Variants in ITGB5 observed in about 807,000 individuals in gnomAD.
ITGB5 encodes the protein integrin beta-5.
ITGB5 carries 38 observed loss-of-function variants against 84.8 expected under a neutral mutation model. The ratio of observed to expected loss-of-function variants is 0.45; its 90% CI spans 0.35 to 0.59. The LOEUF is 0.59. Ranked by LOEUF, ITGB5 falls within the 20% of genes least tolerant of loss-of-function variation. The probability of loss-of-function intolerance (pLI) is 0.01; values close to 1 mark genes in which losing one functional copy is unlikely to be tolerated. For synonymous variants in ITGB5, 393 were observed against 414.4 expected (o/e 0.95, Z 0.63); for missense variants, 905 against 1,034.5 (o/e 0.87, Z 1.72).
chr3:124,827,624 G>A (rs2064801333), intron 5 of ITGB5, among the ~76,000 whole-genome samples: 2 of 152,188 alleles, frequency 1.3e-5, no homozygotes, highest in Admixed American at 6.5e-5. Flanking sequence ...CGCCCTGCTG[G>A]TAGGAATGTA....
At chr3:124,817,855 C>A in intron 7 of ITGB5, 145 bp from the exon 8 acceptor site, 1 of 591,818 alleles carries the variant, frequency 1.7e-6, no homozygotes, top group Non-Finnish European at 2.9e-6. Flanking sequence ...AAGAAGATCC[C>A]ACAGGGAAAA....
chr3:124,777,311 G>A (rs28553402), intron 10 of ITGB5, among the ~76,000 whole-genome samples: 25,017 of 152,200 alleles, frequency 0.16, 2,257 homozygotes, highest in Admixed American at 0.25. Context: ...CGTTTCTGGG[G>A]GTGAGCCAGT....
chr3:124,780,953 C>T (rs750760242), intron 10 of ITGB5, among the ~76,000 whole-genome samples: 27 of 152,214 alleles, frequency 1.8e-4, no homozygotes, highest in Middle Eastern at 3.4e-3. Flanking sequence ...AGACTCTGGG[C>T]CCAGTTTCTG....
chr3:124,795,056 G>T (rs1366219267), intron 10 of ITGB5, among the ~76,000 whole-genome samples: 2 of 152,142 alleles, frequency 1.3e-5, no homozygotes, highest in Admixed American at 1.3e-4. Context: ...GAGACTTGGG[G>T]TGTCTAGCCT....
chr3:124,844,297 C>G (rs936085152), intron 4 of ITGB5, among the ~76,000 whole-genome samples: 2 of 151,468 alleles, frequency 1.3e-5, no homozygotes, highest in South Asian at 2.1e-4. Flanking sequence ...CAGTGGCTCA[C>G]GCCTGTAATC....
chr3:124,813,083 G>A (rs1462101252), intron 8 of ITGB5, among the ~76,000 whole-genome samples: 1 of 152,172 alleles, frequency 6.6e-6, no homozygotes, highest in Admixed American at 6.5e-5. Context: ...GGAGAGCAGA[G>A]CTGACGAAAA....
chr3:124,889,783 T>A (rs1934957177), upstream of ITGB5, among the ~76,000 whole-genome samples: 1 of 152,062 alleles, frequency 6.6e-6, no homozygotes, highest in Non-Finnish European at 1.5e-5. Context: ...GGAGACCCAG[T>A]CGGGTGGATA....
intron 9 of ITGB5, among the ~76,000 whole-genome samples, chr3:124,806,503 G>A (rs1159354520): frequency 7.2e-6 from 1 of 139,660 alleles, no homozygotes; most frequent in African/African-American, 2.7e-5. Context: ...GCGCGATCTC[G>A]GCTCACTGCA....
intron 5 of ITGB5, among the ~76,000 whole-genome samples, chr3:124,836,117 G>A (rs879793307): frequency 6.6e-6 from 1 of 152,014 alleles, no homozygotes; most frequent in Admixed American, 6.6e-5. Flanking sequence ...AAGTCAACTG[G>A]CTTCCATGGA....
chr3:124,890,989 A>G (rs1934988614), upstream of ITGB5, among the ~76,000 whole-genome samples: 1 of 151,824 alleles, frequency 6.6e-6, no homozygotes, highest in South Asian at 2.1e-4. Context: ...CTCCCCCCCC[A>G]GCCACTGGAA....
chr3:124,873,365 T>C, intron 2 of ITGB5, 81 bp downstream of exon 2: 1 of 900,900 alleles, frequency 1.1e-6, no homozygotes, highest in South Asian at 1.3e-5. Context: ...AGTGAATTAG[T>C]GTGTTGTGGT....
chr3:124,815,712 A>G (rs899741546), intron 8 of ITGB5, among the ~76,000 whole-genome samples: 5 of 152,176 alleles, frequency 3.3e-5, no homozygotes, highest in Non-Finnish European at 5.9e-5. Flanking sequence ...CACCCCAGGA[A>G]AGAGGGTGAC....
chr3:124,813,183 A>G (rs546471031), intron 8 of ITGB5, among the ~76,000 whole-genome samples: 2 of 152,328 alleles, frequency 1.3e-5, no homozygotes, highest in East Asian at 3.9e-4. Context: ...AGGAGCTTGA[A>G]GCCCAGCCCA....
In ITGB5 at chr3:124,773,672, T is replaced by G. The variant is rs2063880449; in HGVS notation, c.1916+18A>C. On this transcript the variant is annotated intron_variant, in intron 11 of 14. Transcript: ENST00000296181. ...GCCTGGGTGAGAAGTAAGGTGGGGC[T>G]GTCAGTGGAACCAGTACCTCTTGGT... The G allele has an allele frequency of 6.2e-7, 1 of 1,608,844 alleles. No homozygotes were observed. Among genetic ancestry groups the G allele is most frequent in the African/African-American group, 1.3e-5 (1 of 74,816 alleles).
intron 1 of ITGB5, chr3:124,878,481 T>C (rs1934425762): frequency 4.6e-5 from 7 of 152,234 alleles, no homozygotes; most frequent in Admixed American, 2.6e-4. Flanking sequence ...CTCAAAATGA[T>C]TGCCCTAAAA....
At chr3:124,807,442 A>G (rs186352092) in intron 9 of ITGB5, among the ~76,000 whole-genome samples, 5 of 152,240 alleles carry the variant, frequency 3.3e-5, no homozygotes, top group Admixed American at 3.3e-4. Flanking sequence ...TAAATAAATT[A>G]TCATTTGTAA....
intron 5 of ITGB5, 83 bp downstream of exon 5, chr3:124,841,300 A>T: frequency 7.4e-7 from 1 of 1,353,202 alleles, no homozygotes; most frequent in Admixed American, 2.2e-5. Flanking sequence ...GCACTCAAAG[A>T]CTCCTGCAGG....
intron 1 of ITGB5, among the ~76,000 whole-genome samples, chr3:124,881,805 TA>T (rs138016814): frequency 6.6e-6 from 1 of 151,840 alleles, no homozygotes; most frequent in Non-Finnish European, 1.5e-5. Flanking sequence ...CCATCTCTAC[TA>T]AAAATTAAAA....
At chr3:124,893,034 A>C (rs1935033488) in intron 1 of ITGB5, among the ~76,000 whole-genome samples, 1 of 152,218 alleles carries the variant, frequency 6.6e-6, no homozygotes, top group Non-Finnish European at 1.5e-5. Context: ...CACTGCAAGA[A>C]ATGAGTGACT....
Sources: allele counts gnomAD v4.1 joint callset (sites outside exome capture counted in the v4.1 genomes callset), GRCh38; gene constraint gnomAD v4.1.1; transcripts MANE v1.5; gene names NCBI Gene and HGNC (gene_info 2026-07-23, HGNC 2026-07-21).